NAF1: variants seen among roughly 807,000 people sequenced by gnomAD.
NAF1 encodes nuclear assembly factor 1 ribonucleoprotein.
Under a neutral mutation model 40.6 loss-of-function variants are expected in NAF1, and 11 were observed. That is an observed-to-expected ratio of 0.27 (90% CI 0.17 to 0.45). The LOEUF is 0.45. Among genes scored for constraint, NAF1 ranks in the 20% least tolerant of loss-of-function variants. The pLI, the probability that NAF1 is intolerant of heterozygous loss-of-function variation, is 1.00. For synonymous variants in NAF1, 260 were observed against 228.5 expected (o/e 1.14, Z -1.24); for missense variants, 607 against 611.1 (o/e 0.99, Z 0.07).
Position 163,166,825 on chromosome 4 carries a change from C to T in NAF1, c.-98G>A. ...AGAAAAACAACTTAGGCAACCGCAG[C>T]AACACTGCCTGGGCCCAACTTCCCG... On this transcript the variant is annotated 5_prime_UTR_variant, in exon 1 of 8. Transcript: ENST00000274054. 1.3e-6 allele frequency: 2 copies of T among 1,490,550 alleles called. No individual in the cohort carries two copies. The highest frequency in any genetic ancestry group is 1.8e-6 in the Non-Finnish European group (2 of 1,114,452). 92.3% of individuals were successfully genotyped at this position (1,490,550 alleles called of 1,614,324 possible).
downstream of NAF1, among the ~76,000 whole-genome samples, chr4:163,125,380 A>G (rs1021050414): frequency 6.6e-6 from 1 of 152,264 alleles, no homozygotes; most frequent in Non-Finnish European, 1.5e-5. Context: ...AAAAGAAACT[A>G]AAAGTACTAC....
intron 2 of NAF1, among the ~76,000 whole-genome samples, chr4:163,163,409 T>C (rs1038323273): frequency 2.0e-5 from 3 of 152,152 alleles, no homozygotes; most frequent in African/African-American, 7.2e-5. Flanking sequence ...AACTATCTCA[T>C]CAATTTAAGT....
chr4:163,130,705 AC>A (rs1730837653), intron 7 of NAF1, among the ~76,000 whole-genome samples: 1 of 152,240 alleles, frequency 6.6e-6, no homozygotes, highest in African/African-American at 2.4e-5. Context: ...AGTGTTTTCA[AC>A]AAATGGGGCT....
At chr4:163,105,102 T>A (rs1021859898), downstream of NAF1, among the ~76,000 whole-genome samples, 1 of 152,196 alleles carries the variant, frequency 6.6e-6, no homozygotes, top group South Asian at 2.1e-4. Flanking sequence ...CTATTGTTGT[T>A]CCTGGTGTGT....
chr4:163,166,016 A>G (rs1003816551), intron 1 of NAF1, among the ~76,000 whole-genome samples: 3 of 152,214 alleles, frequency 2.0e-5, no homozygotes, highest in Non-Finnish European at 4.4e-5. Context: ...AAACTCAACT[A>G]TAACCACAAA....
chr4:163,136,125 G>C (rs779318652), intron 6 of NAF1: 1 of 151,970 alleles, frequency 6.6e-6, no homozygotes, highest in Non-Finnish European at 1.5e-5. Context: ...CATGATTTAC[G>C]ATTGCTTTAA....
intron 2 of NAF1, among the ~76,000 whole-genome samples, chr4:163,117,705 ACACACACACACACG>A (rs1730388392): frequency 6.6e-6 from 1 of 151,088 alleles, no homozygotes; most frequent in Non-Finnish European, 1.5e-5. Context: ...ACACACACAC[ACACACACACACACG>A]CATGAATACA....
chr4:163,124,733 A>T (rs1000950289), downstream of NAF1, among the ~76,000 whole-genome samples: 1 of 152,228 alleles, frequency 6.6e-6, no homozygotes, highest in African/African-American at 2.4e-5. Context: ...ATTTAAAGCA[A>T]AGATCAAATG....
intron 2 of NAF1, among the ~76,000 whole-genome samples, chr4:163,153,626 T>C (rs2111009151): frequency 6.6e-6 from 1 of 152,264 alleles, no homozygotes; most frequent in African/African-American, 2.4e-5. Flanking sequence ...AACTGGTGTG[T>C]CAAAACTCTG....
chr4:163,154,624 G>C (rs951360206), intron 2 of NAF1, among the ~76,000 whole-genome samples: 22 of 152,194 alleles, frequency 1.4e-4, no homozygotes, highest in African/African-American at 4.8e-4. Context: ...TGTAATCCCA[G>C]CACTTTGGGA....
downstream of NAF1, chr4:163,126,907 G>C: frequency 1.3e-6 from 2 of 1,482,020 alleles, no homozygotes; most frequent in Non-Finnish European, 1.8e-6. Context: ...GGCTCAAAGG[G>C]TCATTATTAT....
intron 7 of NAF1, among the ~76,000 whole-genome samples, chr4:163,130,239 C>T (rs775260524): frequency 2.6e-4 from 40 of 151,848 alleles, no homozygotes; most frequent in Non-Finnish European, 2.9e-4. Context: ...AGGAAGACTT[C>T]AAATTCAATG....
chr4:163,122,109 G>T (rs1224098651), downstream of NAF1, among the ~76,000 whole-genome samples: 2 of 152,148 alleles, frequency 1.3e-5, no homozygotes, highest in East Asian at 3.8e-4. Flanking sequence ...CATTATATTT[G>T]AGACTCTATG....
chr4:163,137,867 C>T (rs545254117), intron 5 of NAF1, among the ~76,000 whole-genome samples: 7 of 152,246 alleles, frequency 4.6e-5, no homozygotes, highest in Non-Finnish European at 8.8e-5. Flanking sequence ...AATATAATGA[C>T]TGGCATGTGT....
At chr4:163,128,198 A>C (rs1208740851), downstream of NAF1, among the ~76,000 whole-genome samples, 1 of 152,236 alleles carries the variant, frequency 6.6e-6, no homozygotes, top group African/African-American at 2.4e-5. Context: ...CAAATATGGA[A>C]GACAAAATCC....
rs79798093 is a variant in NAF1, at chr4:163,120,185, G to A, written c.115-9895C>T. Among the ~76,000 whole-genome samples, 950 of 152,280 alleles carry A rather than the reference G, an allele frequency of 6.2e-3. 6 individuals are homozygous for A. Among genetic ancestry groups the A allele is most frequent in the East Asian group, 0.03 (156 of 5,184 alleles). ...CCCAGCACTCCTGTATGTCATGGGA[G>A]CACACAATAAAACACTTGAAAAGCT... On this transcript the variant is annotated intron_variant, in intron 2 of 2. Coordinates refer to the NAF1 transcript ENST00000509434.
At chr4:163,110,917 T>C (rs1730141607) in intron 2 of NAF1, among the ~76,000 whole-genome samples, 2 of 152,194 alleles carry the variant, frequency 1.3e-5, no homozygotes, top group Non-Finnish European at 1.5e-5. Flanking sequence ...ATAGAGCTGC[T>C]TGAGTTTTGT....
chr4:163,154,649 G>A (rs1329516188), intron 2 of NAF1, among the ~76,000 whole-genome samples: 1 of 152,050 alleles, frequency 6.6e-6, no homozygotes, highest in Admixed American at 6.5e-5. Flanking sequence ...AAGGCAGGCG[G>A]ATCCTGAGGT....
intron 2 of NAF1, among the ~76,000 whole-genome samples, chr4:163,163,404 T>G (rs1732308702): frequency 6.6e-6 from 1 of 152,160 alleles, no homozygotes; most frequent in Admixed American, 6.5e-5. Context: ...CATTAAACTA[T>G]CTCATCAATT....
Sources: allele counts gnomAD v4.1 joint callset (sites outside exome capture counted in the v4.1 genomes callset), GRCh38; gene constraint gnomAD v4.1.1; transcripts MANE v1.5; gene names NCBI Gene and HGNC (gene_info 2026-07-23, HGNC 2026-07-21).